The following GALNT11 variants were observed in gnomAD, a reference collection of about 807,000 sequenced individuals.
The protein encoded by GALNT11 is polypeptide N-acetylgalactosaminyltransferase 11, also known as UDP-GalNAc:polypeptide N-acetylgalactosaminyltransferase 11.
Under a neutral mutation model 72.7 loss-of-function variants are expected in GALNT11, and 47 were observed. The observed-to-expected ratio is 0.65, with a 90% CI of 0.51 to 0.82. GALNT11 has a LOEUF of 0.82. Ranked by LOEUF, GALNT11 falls within the 40% of genes least tolerant of loss-of-function variation. GALNT11 has a pLI of 0.00. For missense variants in GALNT11, 677 were observed against 778.4 expected (o/e 0.87, Z 1.55); for synonymous variants, 270 against 286.6 (o/e 0.94, Z 0.58).
In GALNT11 at chr7:152,105,268, G is replaced by T; in HGVS notation, c.610G>T (p.Glu204Ter). Reference sequence around the variant, plus strand: ...AGATGATTTGAAAGGAGAACTAGATGAATATGTCCAAAAATACCTCCCTGG... The same window carrying T: ...AGATGATTTGAAAGGAGAACTAGATTAATATGTCCAAAAATACCTCCCTGG... ...DFDDLKGELD[E>*]YVQKYLPGKI... Residue 204 changes from glutamate (E) to a stop codon, truncating the protein, a stop_gained, in exon 5 of 12, where the codon GAA (glutamate) becomes TAA (stop). Coordinates refer to ENST00000430044, the MANE Select transcript of GALNT11 (RefSeq NM_022087.4). LOFTEE classifies it high-confidence loss of function. The T allele has an allele frequency of 1.9e-6, 3 of 1,613,798 alleles. No individual in the cohort carries two copies. Among genetic ancestry groups the T allele is most frequent in the Non-Finnish European group, 2.5e-6 (3 of 1,179,888 alleles).
intron 1 of GALNT11, among the ~76,000 whole-genome samples, chr7:152,039,252 A>G (rs1458052311): frequency 6.6e-6 from 1 of 152,192 alleles, no homozygotes; most frequent in Non-Finnish European, 1.5e-5. Flanking sequence ...ATTTTCCTAA[A>G]CAAGTATGTT....
intron 1 of GALNT11, among the ~76,000 whole-genome samples, chr7:152,089,190 G>C (rs906959533): frequency 1.3e-5 from 2 of 152,056 alleles, no homozygotes; most frequent in Non-Finnish European, 2.9e-5. Flanking sequence ...TCATAGGGGG[G>C]TGGACAACAG....
intron 2 of GALNT11, among the ~76,000 whole-genome samples, chr7:152,095,176 T>C (rs1365154088): frequency 1.3e-5 from 2 of 149,378 alleles, no homozygotes; most frequent in African/African-American, 5.2e-5. Flanking sequence ...AAATCTTAGT[T>C]ATAAAATAGC....
Position 152,121,639 on chromosome 7 carries a change from G to A in GALNT11, c.1789G>A (p.Asp597Asn), listed in dbSNP as rs115415300. The A allele has an allele frequency of 7.0e-4, 1,126 of 1,614,200 alleles. 9 individuals are homozygous for A. In the African/African-American group the frequency reaches 0.012, roughly 18 times the overall value. Residue 597 changes from aspartate (D) to asparagine (N), a missense_variant, in exon 12 of 12, where the codon GAT becomes AAT. Physicochemically the swap from Asp to Asn is conservative, Grantham distance 23. Transcript: ENST00000430044. ...QKGSVAMAICDGSSSQQWHLE... is the reference protein window; with the variant it reads ...QKGSVAMAICNGSSSQQWHLE... ...GGGCTCTGTCGCCATGGCGATCTGC[G>A]ATGGCTCCTCTTCACAGCAGTGGCA...
At chr7:152,120,465 G>A (rs899477659) in intron 10 of GALNT11, 2 of 195,702 alleles carry the variant, frequency 1.0e-5, no homozygotes, top group Middle Eastern at 2.0e-3. Context: ...AATGGCAGCC[G>A]TGTGCCCTTC....
intron 10 of GALNT11, 117 bp from the exon 11 acceptor site, chr7:152,120,714 G>C (rs982983910): frequency 9.4e-6 from 8 of 855,550 alleles, no homozygotes; most frequent in Non-Finnish European, 1.5e-5. Flanking sequence ...TGTAAGTCTA[G>C]TGCATTGGTC....
rs376839215 is a variant in GALNT11 at position 152,121,817 on chromosome 7, GGT to G, written c.*145_*146del. Reference sequence around the variant, plus strand: ...TTCCCTGTCCTCCCGGAGATGCCTGGGTGTGTTAGCAGAGGTGACACGTGTCT... The same window carrying G: ...TTCCCTGTCCTCCCGGAGATGCCTGGGTGTTAGCAGAGGTGACACGTGTCT... On this transcript the variant is annotated 3_prime_UTR_variant, in exon 12 of 12. Coordinates refer to ENST00000430044, the MANE Select transcript of GALNT11 (RefSeq NM_022087.4). The G allele has an allele frequency of 1.7e-5, 19 of 1,104,186 alleles. No homozygotes were observed. The African/African-American group carries it at 2.5e-4, about 15-fold the overall frequency. 68.4% of individuals were successfully genotyped at this position (1,104,186 alleles called of 1,614,324 possible). A position where few individuals can be genotyped will look rare whatever the true frequency, so the allele number is the denominator to read the frequency against.
At chr7:152,107,004 A>G (rs1438715804) in intron 5 of GALNT11, among the ~76,000 whole-genome samples, 1 of 152,196 alleles carries the variant, frequency 6.6e-6, no homozygotes, top group Non-Finnish European at 1.5e-5. Flanking sequence ...CCCACCCTTC[A>G]GGCTGTTTAC....
intron 6 of GALNT11, 64 bp from the exon 7 acceptor site, chr7:152,110,464 A>G: frequency 8.6e-7 from 1 of 1,164,030 alleles, no homozygotes; most frequent in South Asian, 1.3e-5. Context: ...GAGTATTTTA[A>G]ACAAAAGTAG....
intron 1 of GALNT11, among the ~76,000 whole-genome samples, chr7:152,066,983 C>G (rs2084348863): frequency 6.6e-6 from 1 of 152,156 alleles, no homozygotes; most frequent in Non-Finnish European, 1.5e-5. Context: ...TGTTCATATA[C>G]TTGGTCAATG....
Position 152,118,690 on chromosome 7 carries a change from C to T in GALNT11, c.1465C>T (p.Gln489Ter). ...VLQRGRLYHLQTNKCLVAQGR... is the reference protein window; with the variant it reads ...VLQRGRLYHL ...CCTTCTCTTACAGCTCTATCACCTC[C>T]AGACCAACAAATGCCTGGTGGCCCA... is the stretch of plus-strand genomic sequence containing the variant. Residue 489 changes from glutamine (Q) to a stop codon, truncating the protein, a stop_gained, in exon 10 of 12, where the codon CAG (glutamine) becomes TAG (stop). Coordinates refer to ENST00000430044, the MANE Select transcript of GALNT11 (RefSeq NM_022087.4). LOFTEE classifies it high-confidence loss of function. 6.2e-7 allele frequency: 1 copy of T among 1,610,672 alleles called. No individual in the cohort carries two copies. The highest frequency in any genetic ancestry group is 8.5e-7 in the Non-Finnish European group (1 of 1,178,550).
At chr7:152,099,338 G>T (rs1180667753) in intron 2 of GALNT11, among the ~76,000 whole-genome samples, 1 of 142,448 alleles carries the variant, frequency 7.0e-6, no homozygotes, top group Admixed American at 7.1e-5. Context: ...TTTTAAAAAT[G>T]GACTTTTATT....
At position 152,027,440 on chromosome 7, in the gene GALNT11, C is replaced by T. The variant is rs184813984; in HGVS notation, c.-39+1556C>T. ...CTTGTATTGGTTTGAACCCCGATGACGCACCAACAACCCCCACGACATGAG... is the reference window on the plus strand; with the variant it reads ...CTTGTATTGGTTTGAACCCCGATGATGCACCAACAACCCCCACGACATGAG... On this transcript the variant is annotated intron_variant, in intron 1 of 11. Coordinates refer to ENST00000430044, the MANE Select transcript of GALNT11 (RefSeq NM_022087.4). Among the ~76,000 whole-genome samples, 8 of 152,272 alleles carry T rather than the reference C, an allele frequency of 5.3e-5. No individual in the cohort carries two copies. The East Asian group carries it at 9.7e-4, about 18-fold the overall frequency.
At chr7:152,068,594 C>G (rs2084449615) in intron 1 of GALNT11, among the ~76,000 whole-genome samples, 1 of 152,114 alleles carries the variant, frequency 6.6e-6, no homozygotes, top group Non-Finnish European at 1.5e-5. Context: ...TTTTACTGTT[C>G]ATGGGAACAG....
chr7:152,037,896 G>A (rs2082658014), intron 1 of GALNT11, among the ~76,000 whole-genome samples: 2 of 151,938 alleles, frequency 1.3e-5, no homozygotes, highest in African/African-American at 2.4e-5. Context: ...AGCCTCCTGA[G>A]GAGCTGGGAT....
chr7:152,064,324 C>T (rs2084186889), intron 1 of GALNT11, among the ~76,000 whole-genome samples: 1 of 152,172 alleles, frequency 6.6e-6, no homozygotes, highest in African/African-American at 2.4e-5. Flanking sequence ...CTTCCTCCAT[C>T]CCTTTATTTT....
chr7:152,097,973 T>A (rs1448118177), intron 2 of GALNT11, among the ~76,000 whole-genome samples: 1 of 152,196 alleles, frequency 6.6e-6, no homozygotes, highest in Non-Finnish European at 1.5e-5. Context: ...TCACTAATGG[T>A]ATGTTTTATG....
chr7:152,073,614 A>G (rs1009028023), intron 1 of GALNT11, among the ~76,000 whole-genome samples: 8 of 152,222 alleles, frequency 5.3e-5, no homozygotes, highest in Admixed American at 5.2e-4. Context: ...GGGGATGTAG[A>G]TGTCTCTTCG....
At chr7:152,117,817 G>C (rs2089028949) in intron 9 of GALNT11, 1 of 172,182 alleles carries the variant, frequency 5.8e-6, no homozygotes, top group South Asian at 1.6e-4. Context: ...GGTGTTCCCA[G>C]AAGTCATCTG....
Sources: allele counts gnomAD v4.1 joint callset (sites outside exome capture counted in the v4.1 genomes callset), GRCh38; gene constraint gnomAD v4.1.1; transcripts MANE v1.5; gene names NCBI Gene and HGNC (gene_info 2026-07-23, HGNC 2026-07-21).